Variants in AATK observed in about 807,000 individuals in gnomAD.
AATK encodes the protein serine/threonine-protein kinase LMTK1.
In AATK, 91 loss-of-function variants were observed where a neutral mutation model predicts 114.3. The observed-to-expected ratio is 0.80, with a 90% CI of 0.67 to 0.95. AATK has a LOEUF of 0.95. Among genes scored for constraint, AATK ranks in the 40% least tolerant of loss-of-function variants. The pLI is 0.00. For synonymous variants in AATK, 1,075 were observed against 916.5 expected (o/e 1.17, Z -3.12); for missense variants, 2,176 against 1,965.2 (o/e 1.11, Z -2.03).
rs920462250 is a variant in AATK, at chr17:81,117,759, A to T, written c.*643T>A. 1.3e-5 allele frequency: 2 copies of T among 152,322 alleles called. No homozygotes were observed. Among genetic ancestry groups the T allele is most frequent in the African/African-American group, 4.8e-5 (2 of 41,462 alleles). 9.4% of individuals were successfully genotyped at this position (152,322 alleles called of 1,614,324 possible). ...GGCTGCCCACCGTGGCCACAGCGGG[A>T]CCCAGGTGGGAGCAGCCTGTTCCCT... On this transcript the variant is annotated 3_prime_UTR_variant, in exon 14 of 14. Coordinates refer to ENST00000326724, the MANE Select transcript of AATK (RefSeq NM_001080395.3).
chr17:81,160,936 G>T (rs1431634848), intron 1 of AATK, among the ~76,000 whole-genome samples: 2 of 152,216 alleles, frequency 1.3e-5, no homozygotes, highest in African/African-American at 4.8e-5. Context: ...CGAGGAGGAG[G>T]CAGAGGATGC....
At position 81,154,661 on chromosome 17, in the gene AATK, G is replaced by A. The variant is rs560464774; in HGVS notation, c.55+11277C>T. Among the ~76,000 whole-genome samples, 46 of 141,120 alleles carry A rather than the reference G, an allele frequency of 3.3e-4. 4 individuals carry two copies. Among genetic ancestry groups the A allele is most frequent in the Admixed American group, 1.3e-3 (19 of 14,694 alleles). 92.6% of individuals were successfully genotyped at this position (141,120 alleles called of 152,430 possible). A position where few individuals can be genotyped will look rare whatever the true frequency, so the allele number is the denominator to read the frequency against. On this transcript the variant is annotated intron_variant, in intron 1 of 13. Coordinates refer to ENST00000326724, the MANE Select transcript of AATK (RefSeq NM_001080395.3). ...TACTTATTTTTTGAGTCAGAGTCTC[G>A]CTCTGTCGCCCAGGCTGGAGTGCAA... is the stretch of plus-strand genomic sequence containing the variant.
intron 2 of AATK, chr17:81,131,785 G>GC: frequency 8.1e-7 from 1 of 1,230,892 alleles, no homozygotes; most frequent in Middle Eastern, 3.4e-4. Flanking sequence ...ATCACCCCCT[G>GC]CCCCACAGTC....
chr17:81,138,355 GCACA>G (rs367739588), intron 1 of AATK, among the ~76,000 whole-genome samples: 4 of 107,760 alleles, frequency 3.7e-5, no homozygotes, highest in Non-Finnish European at 5.7e-5. Flanking sequence ...ACATACCCAC[GCACA>G]CACACTCCCA....
At chr17:81,119,844 CAT>C in intron 12 of AATK, 90 bp downstream of exon 12, 1 of 1,380,516 alleles carries the variant, frequency 7.2e-7, no homozygotes, top group Non-Finnish European at 9.4e-7. Flanking sequence ...GTGCTCCTCC[CAT>C]GATGTCACAC....
chr17:81,127,736 G>C (rs2060866401), intron 5 of AATK, 56 bp downstream of exon 5: 1 of 1,519,604 alleles, frequency 6.6e-7, no homozygotes, highest in East Asian at 2.4e-5. Context: ...GGCCGAGCAG[G>C]GGAGGGAGAG....
At chr17:81,154,812 T>C (rs2061341621) in intron 1 of AATK, among the ~76,000 whole-genome samples, 1 of 146,558 alleles carries the variant, frequency 6.8e-6, no homozygotes. Context: ...GTATTTTTAG[T>C]AGAGACGGGG....
At chr17:81,133,601 C>T (rs932106738) in intron 2 of AATK, among the ~76,000 whole-genome samples, 9 of 152,204 alleles carry the variant, frequency 5.9e-5, no homozygotes, top group Admixed American at 5.2e-4. Context: ...ATTTGCTCAT[C>T]AGCAGGAATG....
rs1219322696 is a variant in AATK, at chr17:81,122,200, C to A, written c.1736G>T (p.Gly579Val). ...AASLAMEPLL[G>V]HGPPVDVPWG... Reference sequence around the variant, plus strand: ...GGGGACGTCGACGGGTGGCCCGTGGCCCAGCAGCGGCTCCATGGCCAGCGA... The same window carrying A: ...GGGGACGTCGACGGGTGGCCCGTGGACCAGCAGCGGCTCCATGGCCAGCGA... The change falls in exon 11 of 14, where the codon GGC becomes GTC. Residue 579 changes from glycine (G) to valine (V), a missense_variant. Coordinates refer to ENST00000326724, the MANE Select transcript of AATK (RefSeq NM_001080395.3). 4 of 1,503,878 alleles carry A rather than the reference C, an allele frequency of 2.7e-6. No individual in the cohort carries two copies. In the East Asian group the frequency reaches 7.5e-5, roughly 28 times the overall value. 93.2% of individuals were successfully genotyped at this position (1,503,878 alleles called of 1,614,324 possible).
intron 1 of AATK, among the ~76,000 whole-genome samples, chr17:81,164,955 C>G (rs1324340654): frequency 6.6e-6 from 1 of 152,230 alleles, no homozygotes; most frequent in Non-Finnish European, 1.5e-5. Context: ...GACCCCCGTG[C>G]CTCCCTGCCA....
chr17:81,150,332 C>T (rs1000639506), intron 1 of AATK, among the ~76,000 whole-genome samples: 29 of 152,050 alleles, frequency 1.9e-4, no homozygotes, highest in African/African-American at 5.8e-4. Flanking sequence ...TGGGGACAGG[C>T]GCCCCACTCC....
intron 1 of AATK, among the ~76,000 whole-genome samples, chr17:81,160,677 G>A (rs1339280556): frequency 1.3e-5 from 2 of 152,242 alleles, no homozygotes; most frequent in East Asian, 1.9e-4. Context: ...ACCGCAGGCC[G>A]AGGCCCCACG....
chr17:81,118,683 T>C (rs1255789547), intron 13 of AATK, among the ~76,000 whole-genome samples: 2 of 152,232 alleles, frequency 1.3e-5, no homozygotes, highest in African/African-American at 4.8e-5. Flanking sequence ...AACTGAGGCC[T>C]GAACAGGAAG....
At chr17:81,123,673 G>A (rs891051584) in intron 9 of AATK, among the ~76,000 whole-genome samples, 3 of 152,034 alleles carry the variant, frequency 2.0e-5, no homozygotes, top group Middle Eastern at 6.8e-3. Context: ...TGGGGGAGCT[G>A]GAGGGCGGGC....
chr17:81,119,735 G>T (rs555373481), intron 12 of AATK, among the ~76,000 whole-genome samples, 155 bp from the exon 13 acceptor site: 1 of 138,134 alleles, frequency 7.2e-6, no homozygotes, highest in Admixed American at 7.1e-5. Flanking sequence ...CGCCTCCCAT[G>T]CAGCACGGAC....
intron 2 of AATK, chr17:81,131,858 G>C: frequency 7.7e-7 from 1 of 1,304,842 alleles, no homozygotes. Flanking sequence ...CTGGATGTCT[G>C]GGAGCCCAGA....
At chr17:81,163,878 A>C (rs1237781158) in intron 1 of AATK, among the ~76,000 whole-genome samples, 1 of 152,120 alleles carries the variant, frequency 6.6e-6, no homozygotes, top group East Asian at 1.9e-4. Context: ...CTGAGGTGAG[A>C]CCCCCATGTC....
chr17:81,156,438 G>A lies in AATK; in HGVS notation c.55+9500C>T, dbSNP rs940237588. On this transcript the variant is annotated intron_variant, in intron 1 of 13. Coordinates refer to ENST00000326724, the MANE Select transcript of AATK (RefSeq NM_001080395.3). ...TTTTGAGACAGAGTCTTGCTCTGTC[G>A]CCCAGGCTGGAGTGCAGTGGTGCTT... Among the ~76,000 whole-genome samples the A allele has an allele frequency of 8.6e-5, 13 of 151,656 alleles. No individual in the cohort carries two copies. In the East Asian group the frequency reaches 2.1e-3, roughly 25 times the overall value.
intron 1 of AATK, among the ~76,000 whole-genome samples, chr17:81,159,501 G>A (rs74867636): frequency 0.11 from 16,345 of 152,110 alleles, 1,088 homozygotes; most frequent in East Asian, 0.17. Flanking sequence ...GAAGCCACAC[G>A]CCTTTTTCGC....
Sources: allele counts gnomAD v4.1 joint callset (sites outside exome capture counted in the v4.1 genomes callset), GRCh38; gene constraint gnomAD v4.1.1; transcripts MANE v1.5; gene names NCBI Gene and HGNC (gene_info 2026-07-23, HGNC 2026-07-21).